Variants in TMEM117 observed in about 807,000 individuals in gnomAD.
TMEM117 encodes the protein transmembrane protein 117.
In TMEM117, 27 loss-of-function variants were observed where a neutral mutation model predicts 52.4. The ratio of observed to expected loss-of-function variants is 0.51; its 90% CI spans 0.38 to 0.71. TMEM117 has a LOEUF of 0.71. TMEM117 is among the 30% of genes least tolerant of loss of function. TMEM117 has a pLI of 0.00. For missense variants in TMEM117, 556 were observed against 630.5 expected (o/e 0.88, Z 1.26); for synonymous variants, 215 against 206.3 (o/e 1.04, Z -0.36).
In TMEM117 at chr12:44,054,839, C is replaced by T. The variant is rs554590608; in HGVS notation, c.411-88686C>T. Among the ~76,000 whole-genome samples, 37 of 151,562 alleles carry T rather than the reference C, an allele frequency of 2.4e-4. 2 individuals carry two copies. Among genetic ancestry groups the T allele is most frequent in the South Asian group, 1.9e-3 (9 of 4,784 alleles). ...CATGTTCCATGTTGGTATGTTGCAC[C>T]CATTAACTCATCATTTACATTAGGT... is the stretch of plus-strand genomic sequence containing the variant. On this transcript the variant is annotated intron_variant, in intron 3 of 7. Coordinates refer to ENST00000266534, the MANE Select transcript of TMEM117 (RefSeq NM_032256.3).
the TMEM117 span, among the ~76,000 whole-genome samples, chr12:43,803,636 A>G: frequency 6.6e-6 from 1 of 152,100 alleles, no homozygotes; most frequent in East Asian, 1.9e-4. Context: ...GTCACTTAGG[A>G]AGTGATGGCA....
At chr12:44,130,793 T>C (rs1437449781) in intron 3 of TMEM117, among the ~76,000 whole-genome samples, 2 of 152,238 alleles carry the variant, frequency 1.3e-5, no homozygotes, top group Middle Eastern at 3.4e-3. Context: ...TCACCTAAAT[T>C]TTCATTTTTA....
chr12:43,983,690 C>T (rs1339571415), intron 3 of TMEM117, among the ~76,000 whole-genome samples: 1 of 149,886 alleles, frequency 6.7e-6, no homozygotes, highest in Non-Finnish European at 1.5e-5. Flanking sequence ...GGGAATTAAT[C>T]TACATTGAGA....
chr12:44,178,135 A>T (rs1949141513), intron 4 of TMEM117, among the ~76,000 whole-genome samples: 1 of 152,098 alleles, frequency 6.6e-6, no homozygotes, highest in Non-Finnish European at 1.5e-5. Context: ...CTTTTTCTTA[A>T]AATGTGGAGT....
intron 2 of TMEM117, among the ~76,000 whole-genome samples, chr12:43,926,872 T>C (rs1006158613): frequency 2.0e-5 from 3 of 152,114 alleles, no homozygotes; most frequent in Admixed American, 2.0e-4. Context: ...AAAACTTTAA[T>C]GTTTTTGGCT....
chr12:44,240,283 T>C (rs1030038292), intron 5 of TMEM117, among the ~76,000 whole-genome samples: 6 of 152,120 alleles, frequency 3.9e-5, no homozygotes, highest in Non-Finnish European at 7.4e-5. Flanking sequence ...ACATTCCAGG[T>C]TGTAGGAAGA....
At position 43,851,218 on chromosome 12, in the gene TMEM117, A is replaced by G. The variant is rs558270029; in HGVS notation, c.277+6290A>G. Among the ~76,000 whole-genome samples the G allele has an allele frequency of 1.6e-4, 25 of 152,302 alleles. No homozygotes were observed. The South Asian group carries it at 4.6e-3, about 28-fold the overall frequency. On this transcript the variant is annotated intron_variant, in intron 2 of 7. Coordinates refer to ENST00000266534, the MANE Select transcript of TMEM117 (RefSeq NM_032256.3). The stretch of plus-strand genomic sequence containing the variant: ...AAAGAGTGAATGATTCTGTGAGCAC[A>G]TGATTTAATATACTTCATTGGTTAT...
rs1341064569 is a variant in TMEM117, at chr12:43,926,584, G to T, written c.278-17626G>T. ...AGTTTATGAAATATTGGAATTAATTGTTACTTGAATGTTTGTGAAAGAACT... is the reference window on the plus strand; with the variant it reads ...AGTTTATGAAATATTGGAATTAATTTTTACTTGAATGTTTGTGAAAGAACT... On this transcript the variant is annotated intron_variant, in intron 2 of 7. Transcript: ENST00000266534. Among the ~76,000 whole-genome samples, 4 of 152,110 alleles carry T rather than the reference G, an allele frequency of 2.6e-5. No individual in the cohort carries two copies. In the East Asian group the frequency reaches 5.8e-4, roughly 22 times the overall value.
chr12:44,276,424 T>C (rs11609727), intron 5 of TMEM117, among the ~76,000 whole-genome samples: 7,503 of 152,198 alleles, frequency 0.049, 221 homozygotes, highest in African/African-American at 0.076. Flanking sequence ...ATCTCACTTA[T>C]AAGTGAAATC....
At chr12:44,152,626 A>T (rs1441116453) in intron 4 of TMEM117, among the ~76,000 whole-genome samples, 31 of 128,356 alleles carry the variant, frequency 2.4e-4, no homozygotes, top group Non-Finnish European at 1.9e-4. Context: ...CATAATATTT[A>T]TATCATATAT....
At chr12:44,124,142 A>G (rs182718352) in intron 3 of TMEM117, among the ~76,000 whole-genome samples, 25 of 152,032 alleles carry the variant, frequency 1.6e-4, no homozygotes, top group Admixed American at 1.4e-3. Context: ...TGTATTCCTA[A>G]GTATTTTATT....
chr12:43,815,781 T>C, the TMEM117 span, among the ~76,000 whole-genome samples: 38,025 of 152,100 alleles, frequency 0.25, 5,238 homozygotes, highest in African/African-American at 0.37. Flanking sequence ...AAAACAACAC[T>C]GTCAGCCATC....
the TMEM117 span, chr12:43,806,086 G>C: frequency 6.6e-7 from 1 of 1,519,128 alleles, no homozygotes; most frequent in Non-Finnish European, 8.8e-7. Context: ...GAGAGGCGCC[G>C]AGGCCCGGCT....
chr12:44,154,776 A>G, intron 4 of TMEM117, among the ~76,000 whole-genome samples: 1 of 150,544 alleles, frequency 6.6e-6, no homozygotes, highest in East Asian at 2.0e-4. Context: ...AAAAAAAAAA[A>G]CCCCTTGTTT....
chr12:44,155,285 T>C (rs191456592), intron 4 of TMEM117, among the ~76,000 whole-genome samples: 11 of 152,218 alleles, frequency 7.2e-5, no homozygotes. Context: ...TGTAAAGTCA[T>C]AACAAATTAG....
chr12:43,814,165 G>A, the TMEM117 span, among the ~76,000 whole-genome samples: 1 of 152,088 alleles, frequency 6.6e-6, no homozygotes, highest in Non-Finnish European at 1.5e-5. Flanking sequence ...ATTGCACTTT[G>A]AGGAATTTAA....
intron 6 of TMEM117, among the ~76,000 whole-genome samples, chr12:44,345,468 AT>A (rs1251350415): frequency 6.6e-6 from 1 of 152,146 alleles, no homozygotes; most frequent in East Asian, 1.9e-4. Flanking sequence ...ATATTTTCTC[AT>A]TTTGTAAAAC....
intron 6 of TMEM117, among the ~76,000 whole-genome samples, chr12:44,348,342 C>A (rs147717971): frequency 3.2e-4 from 49 of 151,554 alleles, no homozygotes; most frequent in African/African-American, 1.1e-3. Flanking sequence ...GATCCCAACT[C>A]TTCACCCTCA....
chr12:43,844,960 A>T (rs778476203), intron 2 of TMEM117, 32 bp downstream of exon 2: 3 of 1,570,124 alleles, frequency 1.9e-6, no homozygotes, highest in Non-Finnish European at 2.6e-6. Flanking sequence ...ATGTAATATC[A>T]CTAATTATTT....
Sources: gnomAD v4.1 joint callset for allele counts (sites outside exome capture counted in the v4.1 genomes callset) on GRCh38, gnomAD v4.1.1 for gene constraint, MANE v1.5 for transcripts, NCBI Gene and HGNC (gene_info 2026-07-23, HGNC 2026-07-21) for gene names.